The following NRXN3 variants were observed in gnomAD, a reference collection of about 807,000 sequenced individuals.
NRXN3 encodes neurexin III.
In NRXN3, 32 loss-of-function variants were observed where a neutral mutation model predicts 137.6. That is an observed-to-expected ratio of 0.23 (90% CI 0.18 to 0.31). NRXN3 has a LOEUF of 0.31. NRXN3 is among the 10% of genes least tolerant of loss of function. The pLI is 1.00. For missense variants in NRXN3, 1,574 were observed against 2,062.5 expected, an observed-to-expected ratio of 0.76 and a Z score of 4.59; for synonymous variants, 798 against 784.5, an observed-to-expected ratio of 1.02 and a Z score of -0.29.
intron 8 of NRXN3, among the ~76,000 whole-genome samples, chr14:78,739,969 C>A (rs766754809): frequency 7.2e-5 from 11 of 152,168 alleles, no homozygotes; most frequent in Non-Finnish European, 1.6e-4. Context: ...AGTTGATAAG[C>A]AATGAGCAAT....
chr14:78,962,277 T>C (rs1459941426), intron 11 of NRXN3, among the ~76,000 whole-genome samples: 3 of 152,246 alleles, frequency 2.0e-5, no homozygotes, highest in Non-Finnish European at 2.9e-5. Context: ...AAGAGAAAGA[T>C]ACTTCTCTAC....
intron 8 of NRXN3, among the ~76,000 whole-genome samples, chr14:78,747,731 A>T (rs2098617649): frequency 6.6e-6 from 1 of 151,472 alleles, no homozygotes; most frequent in South Asian, 2.1e-4. Context: ...GCAATTTTTC[A>T]AAAATCTCCT....
At chr14:79,217,197 C>T (rs886930370) in intron 15 of NRXN3, among the ~76,000 whole-genome samples, 1 of 151,384 alleles carries the variant, frequency 6.6e-6, no homozygotes. Flanking sequence ...GTTCTATAGG[C>T]TGTATAGGAA....
At chr14:78,613,573 C>T (rs1282273615) in intron 4 of NRXN3, among the ~76,000 whole-genome samples, 1 of 141,136 alleles carries the variant, frequency 7.1e-6, no homozygotes, top group Admixed American at 7.3e-5. Context: ...TGTCTCACAA[C>T]CATAGTTTTT....
At chr14:79,259,631 C>CTA (rs1368855132) in intron 15 of NRXN3, among the ~76,000 whole-genome samples, 1 of 139,564 alleles carries the variant, frequency 7.2e-6, no homozygotes, top group African/African-American at 2.7e-5. Context: ...ATCTATATAG[C>CTA]TATATATATA....
chr14:79,124,979 C>A (rs1289776311), intron 15 of NRXN3, among the ~76,000 whole-genome samples: 2 of 152,086 alleles, frequency 1.3e-5, no homozygotes, highest in Admixed American at 1.3e-4. Flanking sequence ...GAAAACACTG[C>A]AGTTCAGGCT....
At chr14:78,787,912 G>C (rs189924929) in intron 8 of NRXN3, among the ~76,000 whole-genome samples, 43 of 151,970 alleles carry the variant, frequency 2.8e-4, no homozygotes, top group Admixed American at 2.6e-3. Context: ...AAAGCAGAAC[G>C]TCGCCCTTAT....
chr14:78,711,169 C>T lies in NRXN3; in HGVS notation c.1660+1514C>T, dbSNP rs56244323. Among the ~76,000 whole-genome samples, 221 of 151,716 alleles carry T rather than the reference C, an allele frequency of 1.5e-3. 1 individual carries two copies. Among genetic ancestry groups the T allele is most frequent in the African/African-American group, 5.1e-3 (209 of 41,252 alleles). Reference sequence around the variant, plus strand: ...ATCTCTGAGGTTAGGTCACGGTGGACGGGTTTTGTGTCTGACTAACCTAGA... The same window carrying T: ...ATCTCTGAGGTTAGGTCACGGTGGATGGGTTTTGTGTCTGACTAACCTAGA... On this transcript the variant is annotated intron_variant, in intron 7 of 20. Coordinates refer to ENST00000335750, the MANE Select transcript of NRXN3 (RefSeq NM_001330195.2).
At chr14:79,571,787 A>T (rs931557257) in intron 16 of NRXN3, among the ~76,000 whole-genome samples, 1 of 152,158 alleles carries the variant, frequency 6.6e-6, no homozygotes, top group African/African-American at 2.4e-5. Flanking sequence ...ATTTCTAATT[A>T]TTGAGTCTAG....
chr14:78,275,512 C>A (rs150407169), intron 2 of NRXN3, among the ~76,000 whole-genome samples: 2 of 152,250 alleles, frequency 1.3e-5, no homozygotes, highest in East Asian at 3.9e-4. Flanking sequence ...AAGCTGTTTT[C>A]TTCTATGCTC....
intron 15 of NRXN3, among the ~76,000 whole-genome samples, chr14:79,329,320 T>C (rs1436407316): frequency 1.3e-5 from 2 of 152,216 alleles, no homozygotes; most frequent in South Asian, 2.1e-4. Flanking sequence ...CTTTTGCTAC[T>C]GCACATGCCT....
chr14:78,868,645 C>A (rs1328899473), intron 10 of NRXN3, among the ~76,000 whole-genome samples: 1 of 151,806 alleles, frequency 6.6e-6, no homozygotes, highest in African/African-American at 2.4e-5. Flanking sequence ...CATGGAGAAA[C>A]CCCATCTCTA....
intron 19 of NRXN3, among the ~76,000 whole-genome samples, chr14:79,783,469 A>C (rs2099120234): frequency 1.3e-5 from 2 of 152,196 alleles, no homozygotes; most frequent in Non-Finnish European, 2.9e-5. Flanking sequence ...GTCCCTTTGA[A>C]GACTAAACGG....
chr14:78,364,149 T>C (rs2085545308), intron 4 of NRXN3, among the ~76,000 whole-genome samples: 1 of 152,226 alleles, frequency 6.6e-6, no homozygotes, highest in African/African-American at 2.4e-5. Flanking sequence ...TTTATTTCTT[T>C]TATGATTTGC....
intron 15 of NRXN3, among the ~76,000 whole-genome samples, chr14:79,239,839 G>A (rs997288377): frequency 1.3e-5 from 2 of 152,124 alleles, no homozygotes; most frequent in African/African-American, 4.8e-5. Context: ...AAACAAGAAA[G>A]AATTTCTGCC....
intron 1 of NRXN3, among the ~76,000 whole-genome samples, chr14:78,190,915 C>T (rs374790845): frequency 3.3e-5 from 5 of 152,042 alleles, no homozygotes; most frequent in African/African-American, 1.2e-4. Flanking sequence ...CTCAAGTGAT[C>T]CACCTACCTT....
chr14:78,532,378 TG>T (rs1296400435), intron 4 of NRXN3, among the ~76,000 whole-genome samples: 3 of 40,454 alleles, frequency 7.4e-5, no homozygotes, highest in Admixed American at 1.7e-4. Context: ...TGATATTTTG[TG>T]TGTGTGTGTG....
At chr14:78,360,488 G>A (rs185163700) in intron 4 of NRXN3, among the ~76,000 whole-genome samples, 1 of 152,142 alleles carries the variant, frequency 6.6e-6, no homozygotes, top group Non-Finnish European at 1.5e-5. Context: ...ATGATTAAAA[G>A]CATGAGCTCT....
intron 2 of NRXN3, among the ~76,000 whole-genome samples, chr14:78,266,922 G>A (rs566403536): frequency 6.6e-6 from 1 of 152,216 alleles, no homozygotes; most frequent in South Asian, 2.1e-4. Flanking sequence ...TTCTTCTGGG[G>A]TTCCCCAGGT....
Sources: gnomAD v4.1 joint callset for allele counts (sites outside exome capture counted in the v4.1 genomes callset) on GRCh38, gnomAD v4.1.1 for gene constraint, MANE v1.5 for transcripts, NCBI Gene and HGNC (gene_info 2026-07-23, HGNC 2026-07-21) for gene names.